The following ZNF569 variants were observed in gnomAD, a reference collection of about 807,000 sequenced individuals.
ZNF569 encodes zinc finger protein 569, also known as DNA-binding protein.
ZNF569 carries 38 observed loss-of-function variants against 56.3 expected under a neutral mutation model. The ratio of observed to expected loss-of-function variants is 0.68; its 90% confidence interval spans 0.52 to 0.88. ZNF569 has a LOEUF of 0.88. ZNF569 is among the 40% of genes least tolerant of loss of function. The pLI is 0.00. For synonymous variants in ZNF569, 241 were observed against 262.9 expected, an observed-to-expected ratio of 0.92 and a Z score of 0.81; for missense variants, 666 against 809.2, an observed-to-expected ratio of 0.82 and a Z score of 2.15.
At chr19:37,433,141 T>A (rs1368567301) in intron 3 of ZNF569, among the ~76,000 whole-genome samples, 2 of 152,036 alleles carry the variant, frequency 1.3e-5, no homozygotes, top group Non-Finnish European at 2.9e-5. Flanking sequence ...GGTCTCAAAC[T>A]CCTGGGCTCA....
intron 2 of ZNF569, among the ~76,000 whole-genome samples, chr19:37,462,162 ACACAT>A (rs1248834432): frequency 6.6e-6 from 1 of 152,058 alleles, no homozygotes; most frequent in Non-Finnish European, 1.5e-5. Context: ...GTTCTCACCA[ACACAT>A]CTGCCCATCT....
rs1202905687 is a variant in ZNF569, at chr19:37,418,057, C to T, written c.239-3638G>A. Reference sequence around the variant, plus strand: ...CGGAGGTTGCAGTGAGCCAAGATCGCGCCACTGTACTCCAGCCTGGGTAAC... The same window carrying T: ...CGGAGGTTGCAGTGAGCCAAGATCGTGCCACTGTACTCCAGCCTGGGTAAC... On this transcript the variant is annotated intron_variant, in intron 5 of 5. Transcript: ENST00000316950. Among the ~76,000 whole-genome samples, 10 of 151,354 alleles carry T rather than the reference C, an allele frequency of 6.6e-5. No homozygotes were observed. The East Asian group carries it at 1.2e-3, about 18-fold the overall frequency.
In ZNF569 at chr19:37,414,351, ATTTAAC is replaced by A. The variant is rs1219171830; in HGVS notation, c.301_306del (p.Val101_Lys102del). 3 of 1,612,624 alleles carry A rather than the reference ATTTAAC, an allele frequency of 1.9e-6. No homozygotes were observed. The highest frequency in any genetic ancestry group is 3.3e-5 in the Admixed American group (2 of 59,782). Reference sequence around the variant, plus strand: ...TTTTCTTCAGTCAGTGTTTTCTGGAATTTAACTTCAACTTGTCTCAAAAGTCTGTCC... The same window carrying A: ...TTTTCTTCAGTCAGTGTTTTCTGGAATTCAACTTGTCTCAAAAGTCTGTCC... On this transcript the variant is annotated inframe_deletion, in exon 6 of 6. Transcript: ENST00000316950.
At chr19:37,420,613 C>T (rs914794203) in intron 5 of ZNF569, among the ~76,000 whole-genome samples, 8 of 152,212 alleles carry the variant, frequency 5.3e-5, no homozygotes, top group Non-Finnish European at 1.2e-4. Flanking sequence ...GGCTCTACTT[C>T]TAATTCTACT....
chr19:37,446,312 G>A (rs1028451515), intron 2 of ZNF569, among the ~76,000 whole-genome samples: 1 of 152,112 alleles, frequency 6.6e-6, no homozygotes, highest in African/African-American at 2.4e-5. Context: ...TACTTTGGGA[G>A]GCCAAGGTGG....
In ZNF569 at chr19:37,426,435, A is replaced by G. The variant is rs534538271; in HGVS notation, c.16-57T>C. On this transcript the variant is annotated intron_variant, in intron 3 of 5. Transcript: ENST00000316950. ...TCATCCATCTTGGGTGATTGTAAAC[A>G]AAATATATTGAACCTTGTTCTGATA... 108 of 1,506,218 alleles carry G rather than the reference A, an allele frequency of 7.2e-5. No individual in the cohort carries two copies. The African/African-American group carries it at 1.2e-3, about 17-fold the overall frequency. 93.3% of individuals were successfully genotyped at this position (1,506,218 alleles called of 1,614,324 possible).
chr19:37,468,031 T>G, upstream of ZNF569: 1 of 1,137,094 alleles, frequency 8.8e-7, no homozygotes, highest in Non-Finnish European at 1.3e-6. Flanking sequence ...ACTAGCTGTG[T>G]CATCTCAGAC....
Position 37,434,550 on chromosome 19 carries a change from G to A in ZNF569, c.16-8172C>T, listed in dbSNP as rs549215940. On this transcript the variant is annotated intron_variant, in intron 3 of 5. Coordinates refer to ENST00000316950, the MANE Select transcript of ZNF569 (RefSeq NM_152484.3). The stretch of plus-strand genomic sequence containing the variant: ...AAAAATACAAAAAAATTAGCTGGGC[G>A]TGGAGTGGCGCAAGCCTGTAGTCCC... Among the ~76,000 whole-genome samples, 30 of 152,272 alleles carry A rather than the reference G, an allele frequency of 2.0e-4. 1 individual carries two copies. The South Asian group carries it at 5.4e-3, about 27-fold the overall frequency.
chr19:37,453,928 C>T (rs560888287), intron 2 of ZNF569, among the ~76,000 whole-genome samples: 303 of 151,998 alleles, frequency 2.0e-3, no homozygotes, highest in African/African-American at 6.9e-3. Context: ...TTTTCTTTTT[C>T]TTCTTGCCTT....
intron 3 of ZNF569, among the ~76,000 whole-genome samples, chr19:37,429,941 C>G (rs1290486840): frequency 6.6e-6 from 1 of 151,988 alleles, no homozygotes; most frequent in Non-Finnish European, 1.5e-5. Context: ...GCCTGTAATC[C>G]CAGTGCTTTG....
At chr19:37,431,372 T>A (rs562730768) in intron 3 of ZNF569, among the ~76,000 whole-genome samples, 1 of 152,106 alleles carries the variant, frequency 6.6e-6, no homozygotes, top group African/African-American at 2.4e-5. Context: ...CACAGTATGA[T>A]AGGGCACCAG....
At chr19:37,432,290 G>C (rs986636897) in intron 3 of ZNF569, among the ~76,000 whole-genome samples, 27 of 152,312 alleles carry the variant, frequency 1.8e-4, no homozygotes, top group Non-Finnish European at 2.9e-4. Flanking sequence ...AGGGGTGCTT[G>C]TGTCACCCCT....
intron 5 of ZNF569, 35 bp from the exon 6 acceptor site, chr19:37,414,454 T>C: frequency 6.6e-7 from 1 of 1,518,856 alleles, no homozygotes; most frequent in Non-Finnish European, 8.8e-7. Flanking sequence ...CACTTACAAA[T>C]TTTTTTCCAA....
chr19:37,468,170 TC>T, upstream of ZNF569: 1 of 554,344 alleles, frequency 1.8e-6, no homozygotes, highest in South Asian at 2.4e-5. Context: ...CACTGCAGCC[TC>T]GAACTCCCGG....
rs530487371 is a variant in ZNF569 at position 37,417,346 on chromosome 19, C to T, written c.239-2927G>A. ...TGTGATCTAGGCTCACTGCAACCTT[C>T]GACGCTGGGGTTCAAAAGATTCTCC... On this transcript the variant is annotated intron_variant, in intron 5 of 5. Coordinates refer to ENST00000316950, the MANE Select transcript of ZNF569 (RefSeq NM_152484.3). Among the ~76,000 whole-genome samples, 75 of 152,188 alleles carry T rather than the reference C, an allele frequency of 4.9e-4. 1 individual carries two copies. The highest frequency in any genetic ancestry group is 1.7e-3 in the African/African-American group (71 of 41,514).
chr19:37,426,779 T>C (rs190691643), intron 3 of ZNF569, among the ~76,000 whole-genome samples: 17 of 152,254 alleles, frequency 1.1e-4, no homozygotes, highest in African/African-American at 3.9e-4. Context: ...GATTTAGCAG[T>C]TGGATGTATT....
At position 37,414,022 on chromosome 19, in the gene ZNF569, C is replaced by A; in HGVS notation, c.636G>T (p.Lys212Asn). The A allele has an allele frequency of 6.2e-7, 1 of 1,613,414 alleles. No individual in the cohort carries two copies. The highest frequency in any genetic ancestry group is 8.5e-7 in the Non-Finnish European group (1 of 1,179,824). The change falls in exon 6 of 6, where the codon AAG (lysine) becomes AAT (asparagine). Residue 212 changes from lysine (K) to asparagine (N), a missense_variant. Lys to Asn is a moderately conservative substitution (Grantham distance 94). Coordinates refer to ENST00000316950, the MANE Select transcript of ZNF569 (RefSeq NM_152484.3). ...IRHLRIHTGE[K>N]PYECSNCRKA... Reference sequence around the variant, plus strand: ...TTCTACAGTTACTACATTCATAGGGCTTCTCTCCAGTATGAATTCTCAGAT... The same window carrying A: ...TTCTACAGTTACTACATTCATAGGGATTCTCTCCAGTATGAATTCTCAGAT...
At chr19:37,463,898 G>A (rs2041792168) in intron 2 of ZNF569, among the ~76,000 whole-genome samples, 1 of 152,074 alleles carries the variant, frequency 6.6e-6, no homozygotes, top group Non-Finnish European at 1.5e-5. Flanking sequence ...AGCTTATAAA[G>A]ATATAAAGAA....
At chr19:37,460,761 G>A (rs1222931340) in intron 2 of ZNF569, among the ~76,000 whole-genome samples, 3 of 148,902 alleles carry the variant, frequency 2.0e-5, no homozygotes, top group Admixed American at 6.7e-5. Context: ...GTGATACCCT[G>A]TCTCAAAAAA....
Sources: gnomAD v4.1 joint callset for allele counts (sites outside exome capture counted in the v4.1 genomes callset) on GRCh38, gnomAD v4.1.1 for gene constraint, MANE v1.5 for transcripts, NCBI Gene and HGNC (gene_info 2026-07-23, HGNC 2026-07-21) for gene names.